The following SNX29 variants were observed in gnomAD, a reference collection of about 807,000 sequenced individuals.
SNX29 encodes sorting nexin-29.
SNX29 carries 78 observed loss-of-function variants against 102.1 expected under a neutral mutation model. That is an observed-to-expected ratio of 0.76 (90% confidence interval 0.64 to 0.92). The LOEUF (loss-of-function observed/expected upper bound fraction) is 0.92, where lower values mean the gene tolerates loss of function less well. SNX29 is among the 40% of genes least tolerant of loss of function. The probability of loss-of-function intolerance (pLI) is 0.00; values close to 1 mark genes in which losing one functional copy is unlikely to be tolerated. For synonymous variants in SNX29, 580 were observed against 414.5 expected (o/e 1.40, Z -4.85); for missense variants, 1,280 against 1,061.7 (o/e 1.21, Z -2.86).
intron 15 of SNX29, among the ~76,000 whole-genome samples, chr16:12,330,752 C>T (rs772261043): frequency 1.2e-4 from 19 of 152,290 alleles, no homozygotes; most frequent in Admixed American, 1.0e-3. Context: ...CCCAGAAAAT[C>T]ACTTCAGATA....
Position 12,337,055 on chromosome 16 carries a change from G to T in SNX29, c.1783-19108G>T, listed in dbSNP as rs553271939. ...GCCAGGCCTGGGAGATGTTTTCTCA[G>T]TTTGATCTTAACCATCTTGGGCAGC... On this transcript the variant is annotated intron_variant, in intron 15 of 20. Transcript: ENST00000566228. Among the ~76,000 whole-genome samples the T allele has an allele frequency of 7.9e-5, 12 of 152,332 alleles. No homozygotes were observed. The East Asian group carries it at 1.9e-3, about 25-fold the overall frequency.
chr16:12,142,249 G>A (rs1260653078), intron 13 of SNX29, among the ~76,000 whole-genome samples: 3 of 152,236 alleles, frequency 2.0e-5, no homozygotes, highest in African/African-American at 4.8e-5. Flanking sequence ...CCCACCTCTC[G>A]CCTCTCCTTG....
intron 18 of SNX29, among the ~76,000 whole-genome samples, chr16:12,453,045 G>A (rs1489665942): frequency 6.6e-6 from 1 of 152,106 alleles, no homozygotes; most frequent in Non-Finnish European, 1.5e-5. Flanking sequence ...TAAGACCTGG[G>A]GCTGTCTCAC....
intron 11 of SNX29, among the ~76,000 whole-genome samples, chr16:12,109,746 T>TG (rs1006125653): frequency 1.3e-5 from 2 of 151,736 alleles, no homozygotes; most frequent in African/African-American, 4.8e-5. Flanking sequence ...TCTTTTTTTT[T>TG]TTGACACGGA....
intron 15 of SNX29, among the ~76,000 whole-genome samples, chr16:12,327,076 C>T (rs1487903370): frequency 6.6e-6 from 1 of 152,152 alleles, no homozygotes; most frequent in Non-Finnish European, 1.5e-5. Context: ...AACCACATGA[C>T]CCCTCTTCGT....
At chr16:12,532,683 A>T (rs545473934) in intron 20 of SNX29, among the ~76,000 whole-genome samples, 1 of 152,318 alleles carries the variant, frequency 6.6e-6, no homozygotes, top group East Asian at 1.9e-4. Flanking sequence ...CACAGAGGTT[A>T]CGAAGTCAGG....
intron 20 of SNX29, among the ~76,000 whole-genome samples, chr16:12,563,636 A>G (rs2078856628): frequency 6.6e-6 from 1 of 152,114 alleles, no homozygotes; most frequent in African/African-American, 2.4e-5. Context: ...TCCTGGCCCC[A>G]GAAGGTAGGA....
chr16:12,472,931 T>C (rs13337753), intron 18 of SNX29, among the ~76,000 whole-genome samples: 11,465 of 152,170 alleles, frequency 0.075, 673 homozygotes, highest in East Asian at 0.29. Flanking sequence ...CTTCTTTTGC[T>C]GAGTCAAGGA....
intron 18 of SNX29, among the ~76,000 whole-genome samples, chr16:12,424,945 A>G (rs914136489): frequency 6.6e-6 from 1 of 152,220 alleles, no homozygotes; most frequent in Non-Finnish European, 1.5e-5. Flanking sequence ...GCCCGTCCAT[A>G]GACAAATGGA....
At chr16:12,409,468 A>G (rs2865239) in intron 18 of SNX29, among the ~76,000 whole-genome samples, 79,753 of 134,228 alleles carry the variant, frequency 0.59, 23,076 homozygotes, top group Middle Eastern at 0.65. Context: ...TCGCTCTGTT[A>G]CCCAGGCTGG....
intron 15 of SNX29, among the ~76,000 whole-genome samples, chr16:12,292,785 A>G (rs1276699290): frequency 6.6e-6 from 1 of 152,226 alleles, no homozygotes; most frequent in African/African-American, 2.4e-5. Context: ...TGAAGGATCT[A>G]AAACCTTCTG....
chr16:12,277,142 C>G (rs879508815), intron 14 of SNX29, among the ~76,000 whole-genome samples: 2 of 152,132 alleles, frequency 1.3e-5, no homozygotes, highest in Non-Finnish European at 2.9e-5. Flanking sequence ...AGTCTCAGCA[C>G]TTTGGGAAGC....
intron 14 of SNX29, among the ~76,000 whole-genome samples, chr16:12,258,088 CTT>C (rs142794486): frequency 0.019 from 2,872 of 152,264 alleles, 100 homozygotes; most frequent in African/African-American, 0.066. Context: ...GCAGTCTGCT[CTT>C]CACACAGCAG....
At chr16:12,177,038 C>T (rs1486456596) in intron 13 of SNX29, among the ~76,000 whole-genome samples, 4 of 152,114 alleles carry the variant, frequency 2.6e-5, no homozygotes, top group Non-Finnish European at 5.9e-5. Flanking sequence ...GCTTCCAACT[C>T]CTGGGATCAA....
intron 13 of SNX29, among the ~76,000 whole-genome samples, chr16:12,149,793 T>G (rs1411710387): frequency 6.6e-6 from 1 of 152,252 alleles, no homozygotes; most frequent in Non-Finnish European, 1.5e-5. Flanking sequence ...AAGGCAGTTC[T>G]ATATCATCCT....
intron 13 of SNX29, among the ~76,000 whole-genome samples, chr16:12,198,928 G>A (rs2076846545): frequency 6.6e-6 from 1 of 152,152 alleles, no homozygotes; most frequent in South Asian, 2.1e-4. Flanking sequence ...TTCCCCCTTT[G>A]TCCTCATGTT....
chr16:12,437,827 G>A (rs2151655352), intron 18 of SNX29, among the ~76,000 whole-genome samples: 2 of 152,274 alleles, frequency 1.3e-5, no homozygotes, highest in Middle Eastern at 3.4e-3. Flanking sequence ...AGCAGGGCTG[G>A]CCTTCCAAAC....
intron 13 of SNX29, among the ~76,000 whole-genome samples, chr16:12,182,236 A>T (rs2076403252): frequency 1.4e-5 from 2 of 147,502 alleles, no homozygotes; most frequent in Non-Finnish European, 3.0e-5. Context: ...AGATTAAAAA[A>T]TTATTCTGCT....
At chr16:12,009,631 G>A (rs1426305361) in intron 3 of SNX29, among the ~76,000 whole-genome samples, 2 of 152,046 alleles carry the variant, frequency 1.3e-5, no homozygotes, top group Non-Finnish European at 2.9e-5. Context: ...GCCTCCCCAG[G>A]AGGAAGTGGT....
Sources: gnomAD v4.1 joint callset for allele counts (sites outside exome capture counted in the v4.1 genomes callset) on GRCh38, gnomAD v4.1.1 for gene constraint, MANE v1.5 for transcripts, NCBI Gene and HGNC (gene_info 2026-07-23, HGNC 2026-07-21) for gene names.